NXPE2: variants seen among roughly 807,000 people sequenced by gnomAD.
The protein encoded by NXPE2 is neurexophilin and PC-esterase domain family member 2, also known as NXPE family member 2.
In NXPE2, 34 loss-of-function variants were observed where a neutral mutation model predicts 34.4. The observed-to-expected ratio is 0.99, with a 90% CI of 0.75 to 1.31. NXPE2 has a LOEUF of 1.31. NXPE2 is among the 40% of genes most tolerant of loss of function. The pLI, the probability that NXPE2 is intolerant of heterozygous loss-of-function variation, is 0.00. For synonymous variants in NXPE2, 235 were observed against 231.3 expected, an observed-to-expected ratio of 1.02 and a Z score of -0.15; for missense variants, 649 against 672.5, an observed-to-expected ratio of 0.97 and a Z score of 0.39.
chr11:114,503,952 C>T, the NXPE2 span, among the ~76,000 whole-genome samples: 1 of 152,338 alleles, frequency 6.6e-6, no homozygotes, highest in East Asian at 1.9e-4. Context: ...GCTTACAGGG[C>T]AGTCTTGGGG....
intron 2 of NXPE2, among the ~76,000 whole-genome samples, chr11:114,688,310 TA>T (rs1436202917): frequency 6.6e-6 from 1 of 152,130 alleles, no homozygotes; most frequent in Non-Finnish European, 1.5e-5. Flanking sequence ...GTTGGATTTT[TA>T]TTGAATGCTT....
At chr11:114,785,814 T>G in the NXPE2 span, among the ~76,000 whole-genome samples, 1 of 152,194 alleles carries the variant, frequency 6.6e-6, no homozygotes, top group Non-Finnish European at 1.5e-5. Context: ...AATCCTATTT[T>G]ATAATATAAA....
At chr11:114,469,109 C>CTTTTTTTTTT in the NXPE2 span, among the ~76,000 whole-genome samples, 76 of 88,874 alleles carry the variant, frequency 8.6e-4, 2 homozygotes, top group East Asian at 1.3e-3. Context: ...ACAGTGCTAG[C>CTTTTTTTTTT]TTTTTTTTTT....
At chr11:114,631,455 T>G in the NXPE2 span, among the ~76,000 whole-genome samples, 62 of 139,902 alleles carry the variant, frequency 4.4e-4, no homozygotes, top group Non-Finnish European at 4.0e-4. Context: ...TTCTCACTCA[T>G]AGGTGGGAAC....
chr11:114,545,019 C>T, the NXPE2 span, among the ~76,000 whole-genome samples: 1 of 152,018 alleles, frequency 6.6e-6, no homozygotes, highest in South Asian at 2.1e-4. Flanking sequence ...AATACTAATA[C>T]ATATCAATTA....
Position 114,706,645 on chromosome 11 carries a change from G to C in NXPE2, c.1395G>C (p.Arg465Ser), listed in dbSNP as rs747484480. 2 of 1,551,696 alleles carry C rather than the reference G, an allele frequency of 1.3e-6. No homozygotes were observed. The highest frequency in any genetic ancestry group is 2.4e-5 in the East Asian group (1 of 41,078). ...RPFPINIFIR[R>S]AINIQKAIER... Reference sequence around the variant, plus strand: ...TTCCCATCAACATTTTCATCCGTAGGGCCATCAATATTCAAAAGGCCATTG... The same window carrying C: ...TTCCCATCAACATTTTCATCCGTAGCGCCATCAATATTCAAAAGGCCATTG... The change falls in exon 6 of 6, where the codon AGG (arginine) becomes AGC (serine). Residue 465 changes from arginine (R) to serine (S), a missense_variant. By Grantham distance (110) the Arg-to-Ser change is moderately radical (BLOSUM62 -1). Coordinates refer to ENST00000389586, the MANE Select transcript of NXPE2 (RefSeq NM_182495.6).
the NXPE2 span, among the ~76,000 whole-genome samples, chr11:114,547,572 A>C: frequency 1.3e-5 from 2 of 152,104 alleles, no homozygotes; most frequent in Non-Finnish European, 2.9e-5. Flanking sequence ...CATCTCTCCC[A>C]AAAAATATAA....
chr11:114,808,303 C>T, the NXPE2 span, among the ~76,000 whole-genome samples: 1 of 151,728 alleles, frequency 6.6e-6, no homozygotes, highest in Non-Finnish European at 1.5e-5. Flanking sequence ...CAAGAGCAAA[C>T]ACATTCAAAA....
the NXPE2 span, chr11:114,559,728 C>T: frequency 6.6e-6 from 1 of 152,162 alleles, no homozygotes. Context: ...TTTGTTCTTC[C>T]CTGCCCTCCA....
chr11:114,800,026 G>C, the NXPE2 span, among the ~76,000 whole-genome samples: 2 of 152,038 alleles, frequency 1.3e-5, no homozygotes, highest in Non-Finnish European at 2.9e-5. Flanking sequence ...TATAACACAA[G>C]CTTCTTGGTC....
the NXPE2 span, among the ~76,000 whole-genome samples, chr11:114,649,413 G>GA: frequency 6.6e-6 from 1 of 152,162 alleles, no homozygotes; most frequent in Non-Finnish European, 1.5e-5. Flanking sequence ...GAAAAGGAAT[G>GA]AACTACTAGT....
the NXPE2 span, among the ~76,000 whole-genome samples, chr11:114,502,427 A>G: frequency 1.3e-5 from 2 of 152,234 alleles, no homozygotes; most frequent in Middle Eastern, 3.4e-3. Flanking sequence ...ATTCAGGTCT[A>G]TCTTCAGTTT....
At chr11:114,775,889 A>AAC in the NXPE2 span, among the ~76,000 whole-genome samples, 2 of 147,896 alleles carry the variant, frequency 1.4e-5, no homozygotes, top group African/African-American at 2.5e-5. Flanking sequence ...CGAAAAAAAA[A>AAC]AACAAAAAAA....
chr11:114,761,472 T>A, the NXPE2 span, among the ~76,000 whole-genome samples: 21 of 151,884 alleles, frequency 1.4e-4, no homozygotes, highest in African/African-American at 4.4e-4. Context: ...TAGGGAAGCC[T>A]GTGTAAGTTA....
At chr11:114,665,529 A>G in the NXPE2 span, among the ~76,000 whole-genome samples, 1 of 152,196 alleles carries the variant, frequency 6.6e-6, no homozygotes, top group Non-Finnish European at 1.5e-5. Context: ...GCATGCAAAG[A>G]GTTATGTACC....
chr11:114,810,677 G>A, the NXPE2 span, among the ~76,000 whole-genome samples: 1 of 151,996 alleles, frequency 6.6e-6, no homozygotes, highest in Non-Finnish European at 1.5e-5. Context: ...TCATTAAAAA[G>A]TCAGGAAACA....
At chr11:114,566,947 A>T in the NXPE2 span, among the ~76,000 whole-genome samples, 4 of 152,194 alleles carry the variant, frequency 2.6e-5, no homozygotes, top group East Asian at 1.9e-4. Context: ...ATTCTCTGCA[A>T]TCATGGACAG....
At chr11:114,641,522 A>C in the NXPE2 span, among the ~76,000 whole-genome samples, 1 of 152,100 alleles carries the variant, frequency 6.6e-6, no homozygotes, top group East Asian at 1.9e-4. Context: ...TTGAGAGGGA[A>C]ATATGTAACT....
the NXPE2 span, among the ~76,000 whole-genome samples, chr11:114,493,548 C>T: frequency 1.7e-3 from 261 of 152,116 alleles, no homozygotes; most frequent in African/African-American, 5.0e-3. Context: ...CATTTTGAAC[C>T]GATGACAACT....
Sources: gnomAD v4.1 joint callset for allele counts (sites outside exome capture counted in the v4.1 genomes callset) on GRCh38, gnomAD v4.1.1 for gene constraint, MANE v1.5 for transcripts, NCBI Gene and HGNC (gene_info 2026-07-23, HGNC 2026-07-21) for gene names.